The following VGLL1 variants were observed in gnomAD, a reference collection of about 807,000 sequenced individuals.
The protein encoded by VGLL1 is vestigial like family member 1, also known as transcription cofactor vestigial-like protein 1.
In VGLL1, 4 loss-of-function variants were observed where a neutral mutation model predicts 12.0. The observed-to-expected ratio is 0.33, with a 90% CI of 0.16 to 0.76. VGLL1 has a LOEUF of 0.76. Ranked by LOEUF, VGLL1 falls within the 30% of genes least tolerant of loss-of-function variation. The pLI, the probability that VGLL1 is intolerant of heterozygous loss-of-function variation, is 0.60. For missense variants in VGLL1, 204 were observed against 208.7 expected, an observed-to-expected ratio of 0.98 and a Z score of 0.14; for synonymous variants, 87 against 81.2, an observed-to-expected ratio of 1.07 and a Z score of -0.39.
At chrX:136,537,731 A>AT (rs758312135) in intron 2 of VGLL1, among the ~76,000 whole-genome samples, 1,958 of 100,185 alleles carry the variant, frequency 0.02, 41 homozygotes, top group African/African-American at 0.053. Context: ...AGCTAATTTA[A>AT]TTTTTTTTTT....
intron 2 of VGLL1, among the ~76,000 whole-genome samples, chrX:136,545,937 C>T (rs771372505): frequency 3.6e-5 from 4 of 111,696 alleles, no homozygotes; most frequent in African/African-American, 9.8e-5. Context: ...TCAGGACCAA[C>T]AGCATCAGGA....
chrX:136,543,099 C>A (rs1266475611), intron 2 of VGLL1, among the ~76,000 whole-genome samples: 1 of 111,524 alleles, frequency 9.0e-6, no homozygotes, highest in Non-Finnish European at 1.9e-5. Flanking sequence ...CGGATCTTAG[C>A]CACTCAGCAT....
Position 136,535,987 on chromosome X carries a change from G to A in VGLL1, c.-25-9G>A, listed in dbSNP as rs369165622. 18 of 1,178,829 alleles carry A rather than the reference G, an allele frequency of 1.5e-5. No homozygotes were observed. The highest frequency in any genetic ancestry group is 2.1e-5 in the Non-Finnish European group (18 of 870,715). ...ATAGTGCCAGTGACATTTTGCCTTT[G>A]GTCCACAGCTGTCACCTGTGTCATT... On this transcript the variant is annotated splice_polypyrimidine_tract_variant and intron_variant, in intron 1 of 4. Transcript: ENST00000370634.
intron 2 of VGLL1, among the ~76,000 whole-genome samples, chrX:136,538,772 C>G (rs1343990750): frequency 8.9e-6 from 1 of 112,016 alleles, no homozygotes; most frequent in East Asian, 2.8e-4. Context: ...ATTTACTTCT[C>G]TCTTAGAATT....
intron 2 of VGLL1, among the ~76,000 whole-genome samples, chrX:136,547,798 G>A (rs1488591318): frequency 8.9e-6 from 1 of 111,924 alleles, no homozygotes; most frequent in Non-Finnish European, 1.9e-5. Flanking sequence ...TTAAGGAGCT[G>A]GTTGGATCCG....
intron 1 of VGLL1, among the ~76,000 whole-genome samples, chrX:136,535,627 C>T (rs910313546): frequency 2.7e-5 from 3 of 111,458 alleles, no homozygotes; most frequent in Admixed American, 9.5e-5. Context: ...CCAACCTTGG[C>T]TCATTCGTTT....
intron 1 of VGLL1, among the ~76,000 whole-genome samples, chrX:136,532,912 G>T (rs781756900): frequency 8.2e-5 from 9 of 109,347 alleles, no homozygotes; most frequent in African/African-American, 1.7e-4. Context: ...TCTTCTCTGG[G>T]AGACAGCCAC....
intron 1 of VGLL1, among the ~76,000 whole-genome samples, chrX:136,532,735 T>G (rs1166552020): frequency 9.5e-6 from 1 of 105,128 alleles, no homozygotes; most frequent in Non-Finnish European, 1.9e-5. Flanking sequence ...GTGGGCAATA[T>G]TTGAGGGAGC....
chrX:136,551,498 T>C (rs2075886186), intron 4 of VGLL1, among the ~76,000 whole-genome samples: 2 of 111,871 alleles, frequency 1.8e-5, no homozygotes, highest in African/African-American at 6.5e-5. Flanking sequence ...AGGAGGATCT[T>C]CATGACCTGG....
At chrX:136,541,799 G>A (rs970624631) in intron 2 of VGLL1, among the ~76,000 whole-genome samples, 1 of 112,300 alleles carries the variant, frequency 8.9e-6, no homozygotes, top group Non-Finnish European at 1.9e-5. Flanking sequence ...AGGAAATGCC[G>A]TCAAATTTCC....
chrX:136,555,902 A>G lies in VGLL1; in HGVS notation c.689-549A>G, dbSNP rs139962736. On this transcript the variant is annotated intron_variant, in intron 4 of 4. Transcript: ENST00000370634. ...TGCGAACTCTCAGTTGGGTTGTGCA[A>G]TTTTCATCAGTGATGTTAGCTTAGT... Among the ~76,000 whole-genome samples the G allele has an allele frequency of 4.0e-3, 447 of 111,129 alleles. 1 individual carries two copies. Among genetic ancestry groups the G allele is most frequent in the African/African-American group, 0.014 (429 of 30,544 alleles).
chrX:136,556,604 T>C lies in VGLL1; in HGVS notation c.*65T>C. On this transcript the variant is annotated 3_prime_UTR_variant, in exon 5 of 5. Coordinates refer to ENST00000370634, the MANE Select transcript of VGLL1 (RefSeq NM_016267.4). ...GGCAGCAAGACATCCCTGCATATTG[T>C]TCCAGATAAAAATGAAAGCTGCTCA... The C allele has an allele frequency of 9.4e-7, 1 of 1,060,126 alleles. No individual in the cohort carries two copies. 87.4% of individuals were successfully genotyped at this position (1,060,126 alleles called of 1,213,427 possible).
chrX:136,553,250 C>A (rs1336743961), intron 4 of VGLL1, among the ~76,000 whole-genome samples: 1 of 109,980 alleles, frequency 9.1e-6, no homozygotes, highest in Non-Finnish European at 1.9e-5. Flanking sequence ...CCTGCTCCCC[C>A]ACTTCCTGGG....
chrX:136,538,977 A>G (rs1021134484), intron 2 of VGLL1, among the ~76,000 whole-genome samples: 4 of 111,210 alleles, frequency 3.6e-5, no homozygotes, highest in Non-Finnish European at 7.5e-5. Flanking sequence ...AGAAGCAGGA[A>G]TGACCATGGT....
At chrX:136,545,990 C>T (rs1167287600) in intron 2 of VGLL1, among the ~76,000 whole-genome samples, 3 of 111,329 alleles carry the variant, frequency 2.7e-5, no homozygotes, top group East Asian at 5.6e-4. Flanking sequence ...GGTCTAGATG[C>T]CCAGGGTTGA....
At chrX:136,538,545 G>T (rs1405734106) in intron 2 of VGLL1, among the ~76,000 whole-genome samples, 2 of 112,009 alleles carry the variant, frequency 1.8e-5, no homozygotes, top group African/African-American at 6.5e-5. Flanking sequence ...TGGATTTCAA[G>T]AGCTCTTTAT....
chrX:136,551,950 G>C lies in VGLL1; in HGVS notation c.688+1129G>C, dbSNP rs775821624. On this transcript the variant is annotated intron_variant, in intron 4 of 4. Coordinates refer to ENST00000370634, the MANE Select transcript of VGLL1 (RefSeq NM_016267.4). The stretch of plus-strand genomic sequence containing the variant: ...TAAAAATAGAGAGGATCCAAAGGAA[G>C]AGCCACTACCACAGCCCCTGATCTC... Among the ~76,000 whole-genome samples the C allele has an allele frequency of 1.3e-3, 146 of 111,164 alleles. 1 individual carries two copies. The highest frequency in any genetic ancestry group is 4.5e-3 in the African/African-American group (136 of 30,541).
chrX:136,542,607 T>C (rs2075859705), intron 2 of VGLL1, among the ~76,000 whole-genome samples: 1 of 112,584 alleles, frequency 8.9e-6, no homozygotes, highest in Admixed American at 9.4e-5. Context: ...TTTGTGCGTT[T>C]TTCTGCATGT....
Position 136,532,629 on chromosome X carries a change from C to A in VGLL1, c.-26+333C>A, listed in dbSNP as rs2075827170. 3.2e-5 allele frequency among the ~76,000 whole-genome samples: 3 copies of A among 94,174 alleles called. No individual in the cohort carries two copies. In the South Asian group the frequency reaches 1.5e-3, roughly 48 times the overall value. The allele number at this position is 94,174 out of a possible 115,157, so 81.8% of individuals were successfully genotyped here. ...TCTTTCTTTCTTTCTTTCTTTCTTTCTTTCTTTCTTTCTTTCTTTCTTTCT... is the reference window on the plus strand; with the variant it reads ...TCTTTCTTTCTTTCTTTCTTTCTTTATTTCTTTCTTTCTTTCTTTCTTTCT... On this transcript the variant is annotated intron_variant, in intron 1 of 4. Coordinates refer to ENST00000370634, the MANE Select transcript of VGLL1 (RefSeq NM_016267.4).
Sources: gnomAD v4.1 joint callset for allele counts (sites outside exome capture counted in the v4.1 genomes callset) on GRCh38, gnomAD v4.1.1 for gene constraint, MANE v1.5 for transcripts, NCBI Gene and HGNC (gene_info 2026-07-23, HGNC 2026-07-21) for gene names.